The following ZFYVE21 variants were observed in gnomAD, a reference collection of about 807,000 sequenced individuals.
ZFYVE21 encodes zinc finger FYVE-type containing 21.
A neutral mutation model predicts 29.5 loss-of-function variants in ZFYVE21; 21 were observed. That is an observed-to-expected ratio of 0.71 (90% CI 0.50 to 1.02). ZFYVE21 has a LOEUF of 1.02. Among genes scored for constraint, ZFYVE21 ranks in the 50% least tolerant of loss-of-function variants. ZFYVE21 has a pLI of 0.00. For synonymous variants in ZFYVE21, 151 were observed against 133.8 expected (o/e 1.13, Z -0.89); for missense variants, 326 against 335.4 (o/e 0.97, Z 0.22).
chr14:103,717,398 G>A (rs1459205022), intron 1 of ZFYVE21, among the ~76,000 whole-genome samples: 1 of 152,230 alleles, frequency 6.6e-6, no homozygotes, highest in Non-Finnish European at 1.5e-5. Flanking sequence ...ACGTGAGAAA[G>A]TGTGGCCAAG....
In ZFYVE21 at chr14:103,733,119, T is replaced by A. The variant is rs1057409341; in HGVS notation, c.*101T>A. ...GCGTACCACAGGGATTAATCCTGCT[T>A]GTGCTGGGAAATGCAACTCACTCAT... On this transcript the variant is annotated 3_prime_UTR_variant, in exon 7 of 7. Transcript: ENST00000311141. 8 of 1,509,152 alleles carry A rather than the reference T, an allele frequency of 5.3e-6. No homozygotes were observed. The highest frequency in any genetic ancestry group is 7.3e-6 in the Non-Finnish European group (8 of 1,093,376). The allele number at this position is 1,509,152 out of a possible 1,614,324, so 93.5% of individuals were successfully genotyped here. A position where few individuals can be genotyped will look rare whatever the true frequency, so the allele number is the denominator to read the frequency against.
rs1479514973 is a variant in ZFYVE21, at chr14:103,715,898, C to T, written c.57C>T (p.Ser19=). 2 of 1,439,022 alleles carry T rather than the reference C, an allele frequency of 1.4e-6. No homozygotes were observed. The highest frequency in any genetic ancestry group is 3.2e-5 in the East Asian group (1 of 31,218). The allele number at this position is 1,439,022 out of a possible 1,614,324, so 89.1% of individuals were successfully genotyped here. A position where few individuals can be genotyped will look rare whatever the true frequency, so the allele number is the denominator to read the frequency against. Residue 19 remains serine (S), a synonymous_variant, in exon 1 of 7, where the codon AGC becomes AGT. Transcript: ENST00000311141. ...CCAAGAAGCTGGTGCGCTCCCCGAG[C>T]GGCCTGCGCATGGTGCCCGAACACC... is the stretch of plus-strand genomic sequence containing the variant. ...RDAKKLVRSP[S]GLRMVPEHRA...
intron 6 of ZFYVE21, 100 bp from the exon 7 acceptor site, chr14:103,732,883 T>G: frequency 6.2e-7 from 1 of 1,604,082 alleles, no homozygotes; most frequent in Non-Finnish European, 8.5e-7. Flanking sequence ...CCCCCTCAGC[T>G]GGGGTGCCCA....
chr14:103,733,015 G>T lies in ZFYVE21; in HGVS notation c.702G>T (p.Gln234His), dbSNP rs1567073543. Residue 234 changes from glutamine to histidine, a missense_variant, in exon 7 of 7, where the codon CAG becomes CAT. Transcript: ENST00000311141. ...AAKLLYESRDQ is the reference protein window; with the variant it reads ...AAKLLYESRDH ...AGCTCCTCTATGAATCTCGGGACCA[G>T]TAACTCTACGTGGGGCTGAGCTTGG... 6.2e-7 allele frequency: 1 copy of T among 1,614,170 alleles called. No individual in the cohort carries two copies. Among genetic ancestry groups the T allele is most frequent in the Non-Finnish European group, 8.5e-7 (1 of 1,180,054 alleles).
chr14:103,727,678 C>T, intron 2 of ZFYVE21, 68 bp from the exon 3 acceptor site: 1 of 1,584,448 alleles, frequency 6.3e-7, no homozygotes, highest in South Asian at 1.1e-5. Context: ...GCCAGGCCAG[C>T]CGGGGCCACA....
At chr14:103,732,487 C>T in intron 5 of ZFYVE21, 133 bp from the exon 6 acceptor site, 1 of 1,135,128 alleles carries the variant, frequency 8.8e-7, no homozygotes, top group Non-Finnish European at 1.2e-6. Context: ...TGCTCCTGAG[C>T]ACCAGCCCTC....
chr14:103,732,502 C>T lies in ZFYVE21; in HGVS notation c.527-118C>T, dbSNP rs2083990930. The T allele has an allele frequency of 3.1e-6, 4 of 1,294,354 alleles. No homozygotes were observed. The Admixed American group carries it at 8.4e-5, about 27-fold the overall frequency. The allele number at this position is 1,294,354 out of a possible 1,614,324, so 80.2% of individuals were successfully genotyped here. The stretch of plus-strand genomic sequence containing the variant: ...TGCTCCTGAGCACCAGCCCTCACTG[C>T]CAGGCTACTCTTGGAGCAGCACAAG... On this transcript the variant is annotated intron_variant, in intron 5 of 6. Coordinates refer to ENST00000311141, the MANE Select transcript of ZFYVE21 (RefSeq NM_024071.4).
intron 1 of ZFYVE21, among the ~76,000 whole-genome samples, chr14:103,721,204 C>A (rs1047314580): frequency 6.6e-6 from 1 of 152,158 alleles, no homozygotes; most frequent in African/African-American, 2.4e-5. Context: ...TTGACCGCCT[C>A]CGAGCATGTC....
intron 1 of ZFYVE21, among the ~76,000 whole-genome samples, chr14:103,718,638 T>C (rs2083847810): frequency 6.6e-6 from 1 of 152,140 alleles, no homozygotes; most frequent in South Asian, 2.1e-4. Context: ...CCATCAAATA[T>C]CCGACACTGA....
chr14:103,719,603 C>T (rs1010480850), intron 1 of ZFYVE21, among the ~76,000 whole-genome samples: 8 of 150,978 alleles, frequency 5.3e-5, no homozygotes, highest in Admixed American at 4.6e-4. Context: ...TCCTCTGGCT[C>T]GTATGGGGAG....
At chr14:103,719,111 G>A (rs2083852371) in intron 1 of ZFYVE21, among the ~76,000 whole-genome samples, 7 of 152,042 alleles carry the variant, frequency 4.6e-5, no homozygotes, top group Admixed American at 4.6e-4. Flanking sequence ...TCAGAGAGCT[G>A]AGGCCAGAAT....
chr14:103,732,946 A>AG, intron 6 of ZFYVE21, 37 bp from the exon 7 acceptor site: 1 of 1,614,096 alleles, frequency 6.2e-7, no homozygotes, highest in Non-Finnish European at 8.5e-7. Context: ...CACAGGACCA[A>AG]GCAGGCCTCA....
At chr14:103,723,702 G>T (rs80143779) in intron 1 of ZFYVE21, among the ~76,000 whole-genome samples, 1,898 of 152,328 alleles carry the variant, frequency 0.012, 37 homozygotes, top group East Asian at 0.084. Flanking sequence ...GAGGGTACAC[G>T]TGGCTGTGGG....
intron 6 of ZFYVE21, 54 bp downstream of exon 6, chr14:103,732,816 C>A: frequency 6.2e-7 from 1 of 1,600,864 alleles, no homozygotes; most frequent in Non-Finnish European, 8.5e-7. Flanking sequence ...CAAAAGCTTG[C>A]CTTTCCCAGA....
At chr14:103,724,579 G>A (rs1342271732) in intron 1 of ZFYVE21, 1 of 152,256 alleles carries the variant, frequency 6.6e-6, no homozygotes, top group Non-Finnish European at 1.5e-5. Context: ...GGAAAAGGGG[G>A]CTCTTCGTGG....
chr14:103,720,639 C>T (rs1464713595), intron 1 of ZFYVE21, among the ~76,000 whole-genome samples: 1 of 151,838 alleles, frequency 6.6e-6, no homozygotes, highest in Non-Finnish European at 1.5e-5. Context: ...CTTTTGGTTT[C>T]TTGCGTGCTG....
intron 1 of ZFYVE21, 101 bp from the exon 2 acceptor site, chr14:103,726,691 G>A: frequency 7.0e-7 from 1 of 1,436,892 alleles, no homozygotes; most frequent in Non-Finnish European, 9.7e-7. Flanking sequence ...GGGTGCGTGG[G>A]GAGGTGGCAG....
intron 1 of ZFYVE21, among the ~76,000 whole-genome samples, chr14:103,721,505 C>T (rs1227252333): frequency 3.3e-5 from 5 of 152,350 alleles, no homozygotes; most frequent in South Asian, 2.1e-4. Flanking sequence ...AGGCCTGGGC[C>T]GAGGCTGCCT....
intron 1 of ZFYVE21, among the ~76,000 whole-genome samples, chr14:103,720,419 G>A (rs919518354): frequency 6.6e-6 from 1 of 152,138 alleles, no homozygotes; most frequent in Non-Finnish European, 1.5e-5. Flanking sequence ...GACTGTGGGA[G>A]CCCCACCAGC....
Sources: allele counts gnomAD v4.1 joint callset (sites outside exome capture counted in the v4.1 genomes callset), GRCh38; gene constraint gnomAD v4.1.1; transcripts MANE v1.5; gene names NCBI Gene and HGNC (gene_info 2026-07-23, HGNC 2026-07-21).